The following CD28 variants were observed in gnomAD, a reference collection of about 807,000 sequenced individuals.
CD28 encodes the protein T-cell-specific surface glycoprotein CD28.
A neutral mutation model predicts 21.4 loss-of-function variants in CD28; 8 were observed. The observed-to-expected ratio is 0.37, with a 90% CI of 0.22 to 0.68. The LOEUF (loss-of-function observed/expected upper bound fraction) is 0.68. CD28 is among the 30% of genes least tolerant of loss of function. The pLI, the probability that CD28 is intolerant of heterozygous loss-of-function variation, is 0.55. For synonymous variants in CD28, 106 were observed against 104.0 expected (o/e 1.02, Z -0.12); for missense variants, 239 against 272.2 (o/e 0.88, Z 0.86).
rs1263146496 is a variant in CD28, at chr2:203,726,680, A to G, written c.100A>G (p.Asn34Asp). 1 of 1,614,130 alleles carries G rather than the reference A, an allele frequency of 6.2e-7. No individual in the cohort carries two copies. The highest frequency in any genetic ancestry group is 1.1e-5 in the South Asian group (1 of 91,074). The change falls in exon 2 of 4, where the codon AAT becomes GAT. Residue 34 changes from asparagine to aspartate, a missense_variant. This residue lies in a region of CD28 where 104 missense variants were observed against 108.5 expected (regional missense o/e 0.96). Transcript: ENST00000324106. ...GTCGCCCATGCTTGTAGCGTACGACAATGCGGTCAACCTTAGCTGCAAGTA... is the reference window on the plus strand; with the variant it reads ...GTCGCCCATGCTTGTAGCGTACGACGATGCGGTCAACCTTAGCTGCAAGTA... ...KQSPMLVAYDNAVNLSCKYSY... is the reference protein window; with the variant it reads ...KQSPMLVAYDDAVNLSCKYSY...
rs748579255 is a variant in CD28, at chr2:203,734,951, C to T, written c.*39C>T. On this transcript the variant is annotated 3_prime_UTR_variant, in exon 4 of 4. Coordinates refer to ENST00000324106, the MANE Select transcript of CD28 (RefSeq NM_006139.4). The stretch of plus-strand genomic sequence containing the variant: ...CCAGAAGCCAGCCGGCTGGCAGCCC[C>T]CATCTGCTCAATATCACTGCTCTGG... The T allele has an allele frequency of 1.9e-6, 3 of 1,606,582 alleles. No homozygotes were observed. The highest frequency in any genetic ancestry group is 1.1e-5 in the South Asian group (1 of 89,746).
chr2:203,733,601 C>A (rs960522197), intron 3 of CD28, among the ~76,000 whole-genome samples: 1 of 151,852 alleles, frequency 6.6e-6, no homozygotes, highest in African/African-American at 2.4e-5. Flanking sequence ...TAGGACCAAG[C>A]AGTGAGAAAT....
intron 2 of CD28, among the ~76,000 whole-genome samples, chr2:203,728,887 A>T (rs1033952829): frequency 6.6e-6 from 1 of 152,174 alleles, no homozygotes; most frequent in African/African-American, 2.4e-5. Flanking sequence ...GTATATTATA[A>T]ATCTGAGTAG....
rs952212072 is a variant in CD28, at chr2:203,725,898, A to C, written c.53-735A>C. On this transcript the variant is annotated intron_variant, in intron 1 of 3. Transcript: ENST00000324106. ...TTTTAATTCCTTTACAAAAACCTGT[A>C]TCACAACTTAAAAACAAATCTATTT... Among the ~76,000 whole-genome samples, 5 of 152,334 alleles carry C rather than the reference A, an allele frequency of 3.3e-5. No homozygotes were observed. In the East Asian group the frequency reaches 9.6e-4, roughly 29 times the overall value.
chr2:203,714,482 C>A (rs530026433), intron 1 of CD28, among the ~76,000 whole-genome samples: 2 of 149,468 alleles, frequency 1.3e-5, no homozygotes, highest in African/African-American at 4.8e-5. Context: ...GAGGCCAGTC[C>A]GCTATTCTTT....
At chr2:203,724,001 A>G (rs556645159) in intron 1 of CD28, among the ~76,000 whole-genome samples, 1 of 152,382 alleles carries the variant, frequency 6.6e-6, no homozygotes, top group African/African-American at 2.4e-5. Flanking sequence ...AACAAAATGT[A>G]GTATAGCCAT....
At chr2:203,715,681 G>A (rs953125224) in intron 1 of CD28, among the ~76,000 whole-genome samples, 1 of 152,028 alleles carries the variant, frequency 6.6e-6, no homozygotes, top group African/African-American at 2.4e-5. Flanking sequence ...TGGCTTCCTC[G>A]AACTCTAGTC....
chr2:203,714,165 A>AAAAC (rs1056886813), intron 1 of CD28, among the ~76,000 whole-genome samples: 3 of 152,158 alleles, frequency 2.0e-5, no homozygotes, highest in Non-Finnish European at 4.4e-5. Flanking sequence ...CCTGAGGTTA[A>AAAAC]AAACAAACAA....
intron 1 of CD28, 128 bp from the exon 2 acceptor site, chr2:203,726,505 T>C (rs1693752268): frequency 1.5e-6 from 1 of 672,550 alleles, no homozygotes; most frequent in Middle Eastern, 2.9e-4. Flanking sequence ...GAAGAGGTCC[T>C]ACATCTTCTG....
chr2:203,729,343 G>A (rs1693829440), intron 2 of CD28, among the ~76,000 whole-genome samples: 2 of 152,168 alleles, frequency 1.3e-5, no homozygotes, highest in African/African-American at 2.4e-5. Flanking sequence ...AACGGATAAA[G>A]TTAGGTTAAG....
rs199699697 is a variant in CD28, at chr2:203,735,303, A to C, written c.*391A>C. ...ACATTTTAGTTGCAGAAGAAAGGCT[A>C]GGAAATCATTCCTTTTGGTTAAATG... On this transcript the variant is annotated 3_prime_UTR_variant, in exon 4 of 4. Coordinates refer to ENST00000324106, the MANE Select transcript of CD28 (RefSeq NM_006139.4). The C allele has an allele frequency of 5.3e-6, 1 of 190,206 alleles. No individual in the cohort carries two copies. Among genetic ancestry groups the C allele is most frequent in the Non-Finnish European group, 1.1e-5 (1 of 92,514 alleles). The allele number at this position is 190,206 out of a possible 1,614,324, so 11.8% of individuals were successfully genotyped here.
chr2:203,734,679 G>A, intron 3 of CD28, 105 bp from the exon 4 acceptor site: 1 of 1,394,150 alleles, frequency 7.2e-7, no homozygotes, highest in Non-Finnish European at 1.0e-6. Context: ...TAGTGTTTTA[G>A]TGTCTCTGTC....
At chr2:203,712,200 C>CAAAAAAAAAAA (rs3835894) in intron 1 of CD28, among the ~76,000 whole-genome samples, 1 of 150,894 alleles carries the variant, frequency 6.6e-6, no homozygotes, top group African/African-American at 2.4e-5. Flanking sequence ...TCAACAACAA[C>CAAAAAAAAAAA]AAAAAAAAGA....
intron 1 of CD28, among the ~76,000 whole-genome samples, chr2:203,719,425 T>C (rs908027892): frequency 3.9e-5 from 6 of 152,186 alleles, no homozygotes; most frequent in Non-Finnish European, 7.4e-5. Flanking sequence ...TTAATGGTAA[T>C]CTCCTCCCTA....
chr2:203,710,946 T>G (rs544892468), intron 1 of CD28, among the ~76,000 whole-genome samples: 1 of 152,356 alleles, frequency 6.6e-6, no homozygotes, highest in African/African-American at 2.4e-5. Context: ...TCACAGAGGC[T>G]GGAACTTTTC....
At chr2:203,712,454 G>A (rs916056064) in intron 1 of CD28, among the ~76,000 whole-genome samples, 6 of 152,122 alleles carry the variant, frequency 3.9e-5, no homozygotes, top group East Asian at 1.9e-4. Context: ...CCTCTCACCT[G>A]AAGAAGCCTT....
intron 1 of CD28, among the ~76,000 whole-genome samples, chr2:203,714,405 G>A (rs1432914439): frequency 3.9e-5 from 6 of 152,124 alleles, no homozygotes; most frequent in Admixed American, 3.9e-4. Context: ...TCCAGTCAGG[G>A]ATGTTAATCT....
chr2:203,709,364 G>T lies in CD28; in HGVS notation c.52+2616G>T, dbSNP rs146647397. Among the ~76,000 whole-genome samples the T allele has an allele frequency of 8.7e-4, 133 of 152,238 alleles. 1 individual carries two copies. In the East Asian group the frequency reaches 0.024, roughly 27 times the overall value. ...TTTCCATTAATTTAATAATGTGTGT[G>T]TATGTATGTATATGAAGAATAGTTC... On this transcript the variant is annotated intron_variant, in intron 1 of 3. Transcript: ENST00000324106.
intron 2 of CD28, among the ~76,000 whole-genome samples, chr2:203,727,704 G>A (rs961967478): frequency 3.0e-4 from 44 of 148,808 alleles, no homozygotes; most frequent in Non-Finnish European, 6.2e-4. Flanking sequence ...TTTTGAGAGG[G>A]AGTCTTGCTC....
Sources: allele counts gnomAD v4.1 joint callset (sites outside exome capture counted in the v4.1 genomes callset), GRCh38; gene constraint gnomAD v4.1.1; regional missense constraint gnomAD v4.1.1; transcripts MANE v1.5; gene names NCBI Gene and HGNC (gene_info 2026-07-23, HGNC 2026-07-21).